CACNA1D: variants seen among roughly 807,000 people sequenced by gnomAD.
CACNA1D encodes voltage-dependent L-type calcium channel subunit alpha-1D.
Under a neutral mutation model 257.1 loss-of-function variants are expected in CACNA1D, and 55 were observed. The ratio of observed to expected loss-of-function variants is 0.21; its 90% confidence interval spans 0.17 to 0.27. The LOEUF (loss-of-function observed/expected upper bound fraction) is 0.27, where lower values mean the gene tolerates loss of function less well. Ranked by LOEUF, CACNA1D falls within the 10% of genes least tolerant of loss-of-function variation. The pLI, the probability that CACNA1D is intolerant of heterozygous loss-of-function variation, is 1.00. For missense variants in CACNA1D, 1,876 were observed against 2,784.0 expected (o/e 0.67, Z 7.34); for synonymous variants, 980 against 1,014.9 (o/e 0.97, Z 0.65).
At chr3:53,604,674 GA>G (rs2093485591) in intron 3 of CACNA1D, among the ~76,000 whole-genome samples, 1 of 152,182 alleles carries the variant, frequency 6.6e-6, no homozygotes, top group African/African-American at 2.4e-5. Context: ...TGGTGGATAT[GA>G]AAGTGCCTTA....
chr3:53,506,946 G>A (rs1202122351), intron 3 of CACNA1D, among the ~76,000 whole-genome samples: 3 of 151,984 alleles, frequency 2.0e-5, no homozygotes, highest in African/African-American at 7.3e-5. Context: ...AGTGGTATGT[G>A]CCTGTAGTCC....
chr3:53,799,557 T>G (rs2095525282), intron 40 of CACNA1D, among the ~76,000 whole-genome samples: 1 of 152,180 alleles, frequency 6.6e-6, no homozygotes, highest in Non-Finnish European at 1.5e-5. Context: ...TTCAGTTTGT[T>G]GTGATCTTCA....
chr3:53,566,081 A>G (rs894665033), intron 3 of CACNA1D, among the ~76,000 whole-genome samples: 10 of 152,224 alleles, frequency 6.6e-5, no homozygotes, highest in African/African-American at 1.9e-4. Context: ...AAAGTGAAGA[A>G]TGATTAGGTA....
At chr3:53,804,941 C>T in intron 44 of CACNA1D, 42 bp from the exon 45 acceptor site, 1 of 1,590,486 alleles carries the variant, frequency 6.3e-7, no homozygotes, top group African/African-American at 1.3e-5. Context: ...AGTGACAGAG[C>T]TTGTTACCTA....
At chr3:53,545,744 T>G (rs1049892071) in intron 3 of CACNA1D, among the ~76,000 whole-genome samples, 1 of 152,200 alleles carries the variant, frequency 6.6e-6, no homozygotes, top group African/African-American at 2.4e-5. Flanking sequence ...GGACACTTTC[T>G]TCTCCTTCTC....
intron 3 of CACNA1D, among the ~76,000 whole-genome samples, chr3:53,591,358 T>A (rs1418141796): frequency 6.6e-6 from 1 of 152,200 alleles, no homozygotes; most frequent in East Asian, 1.9e-4. Flanking sequence ...GTTCAAGTGA[T>A]TCTCCTGCTT....
At chr3:53,543,441 C>T (rs1289037995) in intron 3 of CACNA1D, among the ~76,000 whole-genome samples, 6 of 152,050 alleles carry the variant, frequency 3.9e-5, no homozygotes, top group African/African-American at 1.5e-4. Context: ...GATTCAGGGC[C>T]CTCTCTTTGG....
chr3:53,797,415 G>A (rs954648133), intron 40 of CACNA1D, among the ~76,000 whole-genome samples: 17 of 152,130 alleles, frequency 1.1e-4, no homozygotes, highest in African/African-American at 3.6e-4. Context: ...TTTCCTGCCT[G>A]GAACAAGCAG....
intron 39 of CACNA1D, among the ~76,000 whole-genome samples, chr3:53,785,177 G>A (rs1425191837): frequency 2.0e-5 from 3 of 152,306 alleles, no homozygotes; most frequent in Middle Eastern, 6.8e-3. Flanking sequence ...TGAAATACCA[G>A]GACCTGAGTG....
In CACNA1D at chr3:53,495,990, G is replaced by A. The variant is rs1011998373; in HGVS notation, c.67+757G>A. On this transcript the variant is annotated intron_variant, in intron 1 of 47. Transcript: ENST00000350061. This position sits in a 1 kb window ranked among gnomAD's most constrained non-coding sequence, Gnocchi z 5.1. The stretch of plus-strand genomic sequence containing the variant: ...CCGCCAGTGCCCCCCAACCCCTGTC[G>A]GCTGGAAGCCTTTCCGGGTGAGCGC... Among the ~76,000 whole-genome samples, 14 of 152,230 alleles carry A rather than the reference G, an allele frequency of 9.2e-5. No individual in the cohort carries two copies. Among genetic ancestry groups the A allele is most frequent in the African/African-American group, 3.4e-4 (14 of 41,464 alleles).
chr3:53,756,507 A>G (rs1208657019), intron 29 of CACNA1D, among the ~76,000 whole-genome samples: 2 of 152,202 alleles, frequency 1.3e-5, no homozygotes, highest in Non-Finnish European at 2.9e-5. Context: ...CATCCGGGAA[A>G]AGCAAGCAGG....
chr3:53,785,863 C>G (rs1387620356), intron 39 of CACNA1D: 3 of 152,400 alleles, frequency 2.0e-5, no homozygotes, highest in Non-Finnish European at 4.4e-5. Flanking sequence ...GCCTTTGGAC[C>G]AGCAACCATT....
In CACNA1D at chr3:53,516,307, C is replaced by A. The variant is rs150607861; in HGVS notation, c.483+14587C>A. ...CATAGGGTTTTGAGAATCAGTCACA[C>A]GGCACACCTGTTAAATCCCTGTGTT... is the stretch of plus-strand genomic sequence containing the variant. On this transcript the variant is annotated intron_variant, in intron 3 of 47. Coordinates refer to ENST00000350061, the MANE Select transcript of CACNA1D (RefSeq NM_001128840.3). Among the ~76,000 whole-genome samples, 9 of 152,336 alleles carry A rather than the reference C, an allele frequency of 5.9e-5. No homozygotes were observed. The South Asian group carries it at 1.9e-3, about 32-fold the overall frequency.
chr3:53,639,048 A>G (rs1337078928), intron 3 of CACNA1D, among the ~76,000 whole-genome samples: 1 of 152,250 alleles, frequency 6.6e-6, no homozygotes, highest in Non-Finnish European at 1.5e-5. Context: ...TCTTCAAACC[A>G]GAGGGCACAA....
intron 9 of CACNA1D, 44 bp downstream of exon 9, chr3:53,702,854 G>C (rs770643990): frequency 6.2e-7 from 1 of 1,610,126 alleles, no homozygotes; most frequent in Non-Finnish European, 8.5e-7. Flanking sequence ...GACCCAGTGT[G>C]CGGTTCAGAC....
At chr3:53,773,023 G>T in intron 33 of CACNA1D, 125 bp downstream of exon 33, 1 of 832,204 alleles carries the variant, frequency 1.2e-6, no homozygotes, top group South Asian at 1.4e-5. Context: ...CTCTGCTGAA[G>T]CCTAGGAAGA....
At chr3:53,775,705 C>A (rs1172819706) in intron 34 of CACNA1D, among the ~76,000 whole-genome samples, 181 bp from the exon 35 acceptor site, 1 of 152,198 alleles carries the variant, frequency 6.6e-6, no homozygotes, top group Non-Finnish European at 1.5e-5. Context: ...GCAGGACCTC[C>A]AGTTACTGTG....
intron 33 of CACNA1D, chr3:53,773,602 G>A (rs533320064): frequency 6.6e-6 from 1 of 152,228 alleles, no homozygotes; most frequent in Admixed American, 6.5e-5. Context: ...AAGGAGGGAT[G>A]TAAGTCAGAA....
Position 53,722,120 on chromosome 3 carries a change from C to T in CACNA1D, c.1506-194C>T, listed in dbSNP as rs80059617. 8.8e-3 allele frequency among the ~76,000 whole-genome samples: 1,343 copies of T among 152,308 alleles called. 21 individuals are homozygous for T. Among genetic ancestry groups the T allele is most frequent in the African/African-American group, 0.031 (1,285 of 41,560 alleles). On this transcript the variant is annotated intron_variant, in intron 11 of 47. Transcript: ENST00000350061. ...AAGTCAAGATTATACTTTTAAAAGT[C>T]GCATTTTAAGACCAACATAATTTTT... is the stretch of plus-strand genomic sequence containing the variant.
Sources: gnomAD v4.1 joint callset for allele counts (sites outside exome capture counted in the v4.1 genomes callset) on GRCh38, gnomAD v4.1.1 for gene constraint, Gnocchi (gnomAD v3.1) non-coding constraint, MANE v1.5 for transcripts, NCBI Gene and HGNC (gene_info 2026-07-23, HGNC 2026-07-21) for gene names.